RPS6KA2: variants seen among roughly 807,000 people sequenced by gnomAD.
The protein encoded by RPS6KA2 is ribosomal protein S6 kinase alpha-2.
RPS6KA2 carries 42 observed loss-of-function variants against 91.8 expected under a neutral mutation model. The observed-to-expected ratio is 0.46, with a 90% confidence interval of 0.36 to 0.59. The LOEUF is 0.59. RPS6KA2 is among the 20% of genes least tolerant of loss of function. The pLI, the probability that RPS6KA2 is intolerant of heterozygous loss-of-function variation, is 0.00. For missense variants in RPS6KA2, 798 were observed against 978.5 expected, an observed-to-expected ratio of 0.82 and a Z score of 2.46; for synonymous variants, 414 against 393.6, an observed-to-expected ratio of 1.05 and a Z score of -0.61.
At chr6:166,753,874 T>C (rs1714043219) in intron 2 of RPS6KA2, among the ~76,000 whole-genome samples, 1 of 152,112 alleles carries the variant, frequency 6.6e-6, no homozygotes, top group South Asian at 2.1e-4. Context: ...GATGCCCACT[T>C]TCCCGAAATT....
intron 2 of RPS6KA2, among the ~76,000 whole-genome samples, chr6:166,534,613 A>G (rs1298300497): frequency 6.6e-6 from 1 of 152,230 alleles, no homozygotes; most frequent in Non-Finnish European, 1.5e-5. Flanking sequence ...TTTGGTTTAA[A>G]TGATGTCAAG....
At chr6:166,835,738 C>T (rs1236465847) in intron 2 of RPS6KA2, among the ~76,000 whole-genome samples, 5 of 152,124 alleles carry the variant, frequency 3.3e-5, no homozygotes, top group African/African-American at 1.2e-4. Flanking sequence ...ACTTACATTT[C>T]TTTTTTACCT....
At chr6:166,422,907 C>T (rs1339141666) in intron 17 of RPS6KA2, among the ~76,000 whole-genome samples, 2 of 152,220 alleles carry the variant, frequency 1.3e-5, no homozygotes, top group African/African-American at 4.8e-5. Flanking sequence ...AGGTGAACCG[C>T]AGCTCTGCGT....
At chr6:166,596,599 T>C (rs1459523625) in intron 1 of RPS6KA2, among the ~76,000 whole-genome samples, 1 of 152,202 alleles carries the variant, frequency 6.6e-6, no homozygotes, top group East Asian at 1.9e-4. Flanking sequence ...GCTCACAGAC[T>C]GAAGGCTGCA....
Position 166,648,194 on chromosome 6 carries a change from TCATACA to T in RPS6KA2, c.124-109416_124-109411del. On this transcript the variant is annotated intron_variant, in intron 2 of 21. Transcript: ENST00000503859. This position sits in a 1 kb window ranked among gnomAD's most constrained non-coding sequence, Gnocchi z 4.8. ...CATGCTCACACACATGCACACATGCTCATACACACACTCATGCACACACACGCACAT... is the reference window on the plus strand; with the variant it reads ...CATGCTCACACACATGCACACATGCTCACACTCATGCACACACACGCACAT... Among the ~76,000 whole-genome samples, 1 of 70,328 alleles carries T rather than the reference TCATACA, an allele frequency of 1.4e-5. No homozygotes were observed. The highest frequency in any genetic ancestry group is 5.3e-4 in the South Asian group (1 of 1,880). The allele number at this position is 70,328 out of a possible 152,430, so 46.1% of individuals were successfully genotyped here.
chr6:166,792,027 AAGG>A lies in RPS6KA2; in HGVS notation c.123+66170_123+66172del, dbSNP rs1163069172. Among the ~76,000 whole-genome samples, 13 of 152,314 alleles carry A rather than the reference AAGG, an allele frequency of 8.5e-5. No individual in the cohort carries two copies. In the Middle Eastern group the frequency reaches 0.01, roughly 120 times the overall value. On this transcript the variant is annotated intron_variant, in intron 2 of 21. Coordinates refer to the RPS6KA2 transcript ENST00000503859. ...AATAACTAAGATCAGAACAGAACTG[AAGG>A]AGATCGAGACACAAAAAAAAAACTC...
At chr6:166,549,660 G>C (rs1242885568) in intron 1 of RPS6KA2, among the ~76,000 whole-genome samples, 1 of 152,038 alleles carries the variant, frequency 6.6e-6, no homozygotes, top group Admixed American at 6.6e-5. Flanking sequence ...TGTTGGGGGG[G>C]TGTGTGTGTC....
intron 2 of RPS6KA2, among the ~76,000 whole-genome samples, chr6:166,671,594 CA>C (rs1266579697): frequency 6.6e-6 from 1 of 152,210 alleles, no homozygotes; most frequent in Non-Finnish European, 1.5e-5. Context: ...AGACTCAACA[CA>C]GCCTCAGATG....
chr6:166,444,682 A>G (rs1228867012), intron 14 of RPS6KA2, among the ~76,000 whole-genome samples: 1 of 152,202 alleles, frequency 6.6e-6, no homozygotes, highest in Non-Finnish European at 1.5e-5. Context: ...GGACTGCCCC[A>G]GTGAAGGATC....
intron 2 of RPS6KA2, among the ~76,000 whole-genome samples, chr6:166,785,037 A>C (rs1778893359): frequency 6.6e-6 from 1 of 151,708 alleles, no homozygotes; most frequent in African/African-American, 2.4e-5. Flanking sequence ...GCTATTGGTC[A>C]CTCTCTGTAT....
intron 2 of RPS6KA2, among the ~76,000 whole-genome samples, chr6:166,681,628 GTTCC>G (rs1292325542): frequency 1.3e-5 from 2 of 149,606 alleles, no homozygotes; most frequent in Non-Finnish European, 2.9e-5. Context: ...CCGTGTCCCA[GTTCC>G]TTCCTTTTGT....
chr6:166,667,259 G>A (rs1788342366), intron 2 of RPS6KA2, among the ~76,000 whole-genome samples: 1 of 152,164 alleles, frequency 6.6e-6, no homozygotes, highest in Admixed American at 6.5e-5. Flanking sequence ...AACGTCACAT[G>A]TTTTACTCAT....
In RPS6KA2 at chr6:166,412,770, G is replaced by A. The variant is rs1326828401; in HGVS notation, c.2194C>T (p.Arg732Trp). Reference protein sequence around the residue: ...RRGMKRLTSTRL With the variant: ...RRGMKRLTSTWL ...GGCCAGGGTCCCACCCGCTACAGCCGCGTGGACGTGAGTCTCTTCATGCCT... is the reference window on the plus strand; with the variant it reads ...GGCCAGGGTCCCACCCGCTACAGCCACGTGGACGTGAGTCTCTTCATGCCT... The change falls in exon 21 of 21, where the codon CGG becomes TGG. Residue 732 changes from arginine to tryptophan, a missense_variant. Arg to Trp is a moderately radical substitution (Grantham distance 101). Transcript: ENST00000265678. The surrounding 1 kb of genome is among the most constrained non-coding windows in gnomAD (Gnocchi z 4.3). 2.5e-6 allele frequency: 4 copies of A among 1,598,044 alleles called. No homozygotes were observed. In the Admixed American group the frequency reaches 6.9e-5, roughly 28 times the overall value.
chr6:166,488,879 C>T lies in RPS6KA2; in HGVS notation c.861G>A (p.Gln287=), dbSNP rs1370638262. The change falls in exon 10 of 21, where the codon CAG becomes CAA. Residue 287 remains glutamine, a synonymous_variant. Transcript: ENST00000265678. The part of the protein sequence containing the change: ...GMPQFLSGEA[Q]SLLRALFKRN... ...GTTTGAAGAGAGCTCGCAGCAAACTCTGTGCCTCCCCACTGAGGAACTGCG... is the reference window on the plus strand; with the variant it reads ...GTTTGAAGAGAGCTCGCAGCAAACTTTGTGCCTCCCCACTGAGGAACTGCG... The T allele has an allele frequency of 6.2e-7, 1 of 1,613,858 alleles. No individual in the cohort carries two copies. Among genetic ancestry groups the T allele is most frequent in the South Asian group, 1.1e-5 (1 of 90,990 alleles).
intron 1 of RPS6KA2, among the ~76,000 whole-genome samples, chr6:166,581,941 A>G (rs1413414969): frequency 5.7e-5 from 6 of 105,700 alleles, no homozygotes; most frequent in Non-Finnish European, 1.1e-4. Flanking sequence ...AGGAGGGCAC[A>G]GGGAGAGGGT....
At chr6:166,839,359 T>C (rs539220062) in intron 2 of RPS6KA2, among the ~76,000 whole-genome samples, 147 of 152,246 alleles carry the variant, frequency 9.7e-4, no homozygotes, top group African/African-American at 3.4e-3. Context: ...AGAGGACTTG[T>C]CATTCATCAC....
At chr6:166,569,738 G>A (rs1018710149) in intron 1 of RPS6KA2, among the ~76,000 whole-genome samples, 5 of 152,170 alleles carry the variant, frequency 3.3e-5, no homozygotes, top group Admixed American at 6.5e-5. Flanking sequence ...TACTCTGCAC[G>A]GTGATTCGGG....
intron 1 of RPS6KA2, among the ~76,000 whole-genome samples, chr6:166,562,143 C>G (rs536514590): frequency 6.6e-6 from 1 of 152,048 alleles, no homozygotes; most frequent in African/African-American, 2.4e-5. Flanking sequence ...ATACAGGACA[C>G]GCAGCTTGAG....
intron 1 of RPS6KA2, among the ~76,000 whole-genome samples, chr6:166,548,244 C>A (rs1188850510): frequency 1.3e-5 from 2 of 152,168 alleles, no homozygotes; most frequent in Admixed American, 1.3e-4. Context: ...ATGTTGACAG[C>A]TCAGAAGAGC....
Sources: allele counts gnomAD v4.1 joint callset (sites outside exome capture counted in the v4.1 genomes callset), GRCh38; gene constraint gnomAD v4.1.1; non-coding constraint Gnocchi (gnomAD v3.1); transcripts MANE v1.5; gene names NCBI Gene and HGNC (gene_info 2026-07-23, HGNC 2026-07-21).